Variants in SLC25A21 observed in about 807,000 individuals in gnomAD.
SLC25A21 encodes solute carrier family 25 member 21.
SLC25A21 carries 47 observed loss-of-function variants against 43.8 expected under a neutral mutation model. The observed-to-expected ratio is 1.07, with a 90% CI of 0.85 to 1.37. SLC25A21 has a LOEUF of 1.37. Among genes scored for constraint, SLC25A21 ranks in the 40% most tolerant of loss-of-function variants. SLC25A21 has a pLI of 0.00. For synonymous variants in SLC25A21, 131 were observed against 121.3 expected (o/e 1.08, Z -0.52); for missense variants, 352 against 350.2 (o/e 1.00, Z -0.04).
At chr14:36,836,532 G>A (rs138632951) in intron 2 of SLC25A21, among the ~76,000 whole-genome samples, 57 of 152,230 alleles carry the variant, frequency 3.7e-4, no homozygotes, top group African/African-American at 1.2e-3. Context: ...GTACTTAAAC[G>A]TGTTGATAGC....
intron 1 of SLC25A21, among the ~76,000 whole-genome samples, chr14:37,003,298 T>C (rs988400197): frequency 1.3e-5 from 2 of 152,196 alleles, no homozygotes; most frequent in Non-Finnish European, 2.9e-5. Flanking sequence ...CAAAGTGAGA[T>C]GATAAAATGC....
chr14:36,745,626 G>C (rs907573336), intron 3 of SLC25A21, among the ~76,000 whole-genome samples: 1 of 152,032 alleles, frequency 6.6e-6, no homozygotes, highest in African/African-American at 2.4e-5. Context: ...ATGTCTGTTG[G>C]CTGCATAAAT....
chr14:37,147,841 TTTC>T (rs1169016266), intron 1 of SLC25A21, among the ~76,000 whole-genome samples: 2 of 25,586 alleles, frequency 7.8e-5, no homozygotes, highest in African/African-American at 1.4e-4. Flanking sequence ...TTTTTTTTCT[TTTC>T]TTTTTTTTTT....
At chr14:36,683,774 A>AGAGACGCTAG in intron 9 of SLC25A21, 54 bp downstream of exon 9, 7 of 1,288,686 alleles carry the variant, frequency 5.4e-6, no homozygotes, top group Non-Finnish European at 7.6e-6. Flanking sequence ...TATCAAAAAA[A>AGAGACGCTAG]GAGACGCTAG....
chr14:36,683,813 C>A lies in SLC25A21; in HGVS notation c.838+15G>T. On this transcript the variant is annotated intron_variant, in intron 9 of 9. Transcript: ENST00000331299. ...AATAAAGAAGGAAGGATTAAATAAT[C>A]AAAATTATCATTACCTGGTCCAAGT... is the stretch of plus-strand genomic sequence containing the variant. 6.3e-7 allele frequency: 1 copy of A among 1,581,972 alleles called. No individual in the cohort carries two copies. The highest frequency in any genetic ancestry group is 2.2e-5 in the East Asian group (1 of 44,486).
intron 1 of SLC25A21, among the ~76,000 whole-genome samples, chr14:37,167,387 G>A (rs929625804): frequency 6.6e-6 from 1 of 152,084 alleles, no homozygotes; most frequent in Non-Finnish European, 1.5e-5. Context: ...TTGCAAAATT[G>A]TAACTGAGAC....
Position 36,923,029 on chromosome 14 carries a change from G to A in SLC25A21, c.71-48025C>T, listed in dbSNP as rs148735837. Among the ~76,000 whole-genome samples the A allele has an allele frequency of 5.0e-3, 754 of 152,014 alleles. 31 individuals carry two copies. The highest frequency in any genetic ancestry group is 0.044 in the Admixed American group (669 of 15,242). On this transcript the variant is annotated intron_variant, in intron 1 of 9. Transcript: ENST00000331299. The stretch of plus-strand genomic sequence containing the variant: ...ACAGACCCAGAAATGACAGAGGTGG[G>A]GAAATTAGTAGACAAGGCTTTTAGA...
rs114700850 is a variant in SLC25A21 at position 36,967,202 on chromosome 14, A to T, written c.71-92198T>A. 7.4e-4 allele frequency among the ~76,000 whole-genome samples: 112 copies of T among 152,268 alleles called. 1 individual carries two copies. The highest frequency in any genetic ancestry group is 2.6e-3 in the African/African-American group (107 of 41,530). ...ATTTCTGTCTTTCATGATGCCACAG[A>T]CCTGATCCTCTAGAAGTGGGGAGAA... On this transcript the variant is annotated intron_variant, in intron 1 of 9. Transcript: ENST00000331299.
chr14:36,948,852 T>C (rs907369857), intron 1 of SLC25A21, among the ~76,000 whole-genome samples: 9 of 152,144 alleles, frequency 5.9e-5, no homozygotes, highest in African/African-American at 9.7e-5. Context: ...TAAAATGTAT[T>C]ACTAAAATAA....
At chr14:37,125,824 CT>C (rs1227409234) in intron 1 of SLC25A21, among the ~76,000 whole-genome samples, 1 of 152,164 alleles carries the variant, frequency 6.6e-6, no homozygotes. Context: ...ACTTTTAAGG[CT>C]GTCCAAATGC....
chr14:36,688,841 A>G (rs1201653343), intron 7 of SLC25A21, among the ~76,000 whole-genome samples: 2 of 152,206 alleles, frequency 1.3e-5, no homozygotes, highest in African/African-American at 2.4e-5. Context: ...TATTATTCCT[A>G]TTTTACAAAT....
chr14:37,164,696 A>T (rs1044260987), intron 1 of SLC25A21, among the ~76,000 whole-genome samples: 1 of 152,204 alleles, frequency 6.6e-6, no homozygotes, highest in Non-Finnish European at 1.5e-5. Context: ...AAAAAGGAGT[A>T]ATCTTGTGAA....
At chr14:36,922,825 T>A (rs1488596959) in intron 1 of SLC25A21, among the ~76,000 whole-genome samples, 1 of 151,968 alleles carries the variant, frequency 6.6e-6, no homozygotes, top group Non-Finnish European at 1.5e-5. Flanking sequence ...TTTGAAAGAA[T>A]CCAAGATGAC....
chr14:36,843,488 T>C (rs1889448152), intron 2 of SLC25A21, among the ~76,000 whole-genome samples: 1 of 152,218 alleles, frequency 6.6e-6, no homozygotes, highest in Non-Finnish European at 1.5e-5. Flanking sequence ...ATCTCATTTA[T>C]AAAACTCATC....
At chr14:37,056,026 A>C (rs1961817929) in intron 1 of SLC25A21, among the ~76,000 whole-genome samples, 1 of 151,922 alleles carries the variant, frequency 6.6e-6, no homozygotes, top group Non-Finnish European at 1.5e-5. Flanking sequence ...TTCTCACGAG[A>C]TCTTGTTTGA....
intron 1 of SLC25A21, among the ~76,000 whole-genome samples, chr14:37,044,356 T>C (rs1961542807): frequency 6.6e-6 from 1 of 152,194 alleles, no homozygotes; most frequent in Admixed American, 6.5e-5. Context: ...TACAAATATT[T>C]AGCTTACTTG....
At chr14:37,008,931 T>C (rs1049287518) in intron 1 of SLC25A21, among the ~76,000 whole-genome samples, 1 of 152,194 alleles carries the variant, frequency 6.6e-6, no homozygotes, top group Admixed American at 6.5e-5. Context: ...TAATTTGAAA[T>C]GGAAAACCAA....
chr14:37,068,438 C>T (rs983031213), intron 1 of SLC25A21, among the ~76,000 whole-genome samples: 45 of 152,066 alleles, frequency 3.0e-4, no homozygotes, highest in African/African-American at 1.1e-3. Context: ...ATTTTTTTTG[C>T]AGTAGATTTT....
At chr14:37,004,691 G>A (rs1482664895) in intron 1 of SLC25A21, among the ~76,000 whole-genome samples, 1 of 152,158 alleles carries the variant, frequency 6.6e-6, no homozygotes, top group East Asian at 1.9e-4. Flanking sequence ...TCTGGAACAG[G>A]GAGCAGGTTC....
Sources: allele counts gnomAD v4.1 joint callset (sites outside exome capture counted in the v4.1 genomes callset), GRCh38; gene constraint gnomAD v4.1.1; transcripts MANE v1.5; gene names NCBI Gene and HGNC (gene_info 2026-07-23, HGNC 2026-07-21).